The following RBM17 variants were observed in gnomAD, a reference collection of about 807,000 sequenced individuals.
The protein encoded by RBM17 is RNA binding motif protein 17.
In RBM17, 7 loss-of-function variants were observed where a neutral mutation model predicts 53.2. That is an observed-to-expected ratio of 0.13 (90% CI 0.07 to 0.25). The LOEUF (loss-of-function observed/expected upper bound fraction) is 0.25. Among genes scored for constraint, RBM17 ranks in the 10% least tolerant of loss-of-function variants. The pLI is 1.00. For synonymous variants in RBM17, 167 were observed against 178.1 expected, an observed-to-expected ratio of 0.94 and a Z score of 0.50; for missense variants, 257 against 496.7, an observed-to-expected ratio of 0.52 and a Z score of 4.59.
Position 6,110,106 on chromosome 10 carries a change from A to G in RBM17, c.683A>G (p.Asn228Ser), listed in dbSNP as rs1391765461. 1 of 1,608,780 alleles carries G rather than the reference A, an allele frequency of 6.2e-7. No homozygotes were observed. Among genetic ancestry groups the G allele is most frequent in the Non-Finnish European group, 8.5e-7 (1 of 1,177,590 alleles). The change falls in exon 7 of 12, where the codon AAC becomes AGC. Residue 228 changes from asparagine (N) to serine (S), a missense_variant. Physicochemically the swap from Asn to Ser is conservative, Grantham distance 46 (BLOSUM62 1). Around this residue, in one of 6 missense-constraint regions of RBM17, gnomAD observed 68 missense variants for 60.0 expected, o/e 1.13. Coordinates refer to ENST00000379888, the MANE Select transcript of RBM17 (RefSeq NM_032905.5). ...CCGAGATCTCCAACCGGACCTAGCAACTCCTTCCTCGCTAACATGGGGTAA... is the reference window on the plus strand; with the variant it reads ...CCGAGATCTCCAACCGGACCTAGCAGCTCCTTCCTCGCTAACATGGGGTAA... ...DRPRSPTGPS[N>S]SFLANMGGTV...
Position 6,105,062 on chromosome 10 carries a change from G to A in RBM17, c.372G>A (p.Glu124=). ...RQREERQRQR[E]LERQKEIEER... ...GAGAGGAACGACAGAGACAGCGGGA[G>A]CTGGAAAGACAAAAGGAAATAGAAG... The change falls in exon 4 of 12, where the codon GAG becomes GAA. Residue 124 remains glutamate, a synonymous_variant. Transcript: ENST00000379888. The A allele has an allele frequency of 1.2e-6, 2 of 1,614,032 alleles. No individual in the cohort carries two copies. The highest frequency in any genetic ancestry group is 1.7e-6 in the Non-Finnish European group (2 of 1,179,912).
rs369104232 is a variant in RBM17 at position 6,115,372 on chromosome 10, C to T, written c.1102+61C>T. The T allele has an allele frequency of 1.9e-5, 29 of 1,529,264 alleles. No individual in the cohort carries two copies. The African/African-American group carries it at 4.0e-4, about 21-fold the overall frequency. The allele number at this position is 1,529,264 out of a possible 1,614,324, so 94.7% of individuals were successfully genotyped here. A position where few individuals can be genotyped will look rare whatever the true frequency, so the allele number is the denominator to read the frequency against. ...GTTGAATTTACAGCCTTAATCTTTA[C>T]AAGTAAAGTTACTGTTTAATTAAAG... is the stretch of plus-strand genomic sequence containing the variant. On this transcript the variant is annotated intron_variant, in intron 11 of 11. Transcript: ENST00000379888.
intron 3 of RBM17, among the ~76,000 whole-genome samples, chr10:6,102,466 A>G (rs544486204): frequency 6.6e-6 from 1 of 152,218 alleles, no homozygotes; most frequent in South Asian, 2.1e-4. Context: ...GTTCTTCTGG[A>G]GGGGAAGCAC....
intron 7 of RBM17, among the ~76,000 whole-genome samples, chr10:6,111,255 G>T (rs1216318477): frequency 1.3e-5 from 2 of 152,252 alleles, no homozygotes; most frequent in African/African-American, 4.8e-5. Context: ...TCAGAGCGCA[G>T]TGTGAGAGCC....
chr10:6,108,776 A>G (rs770812498), intron 6 of RBM17, 34 bp downstream of exon 6: 4 of 1,552,532 alleles, frequency 2.6e-6, no homozygotes, highest in South Asian at 1.1e-5. Flanking sequence ...TTTTATTCTG[A>G]TACAGGTCTT....
chr10:6,108,659 T>C, intron 5 of RBM17, 27 bp from the exon 6 acceptor site: 7 of 1,603,614 alleles, frequency 4.4e-6, no homozygotes, highest in Admixed American at 1.7e-5. Flanking sequence ...GAAACCTCCT[T>C]TAATGCTTGG....
chr10:6,108,281 T>C (rs550976437), intron 5 of RBM17, among the ~76,000 whole-genome samples: 3 of 152,178 alleles, frequency 2.0e-5, no homozygotes, highest in African/African-American at 4.8e-5. Flanking sequence ...TGCAGTAATA[T>C]CTACTTCAGA....
At chr10:6,095,968 A>G (rs781286708) in intron 1 of RBM17, among the ~76,000 whole-genome samples, 1 of 152,186 alleles carries the variant, frequency 6.6e-6, no homozygotes, top group African/African-American at 2.4e-5. Context: ...AACACAAGCA[A>G]ATTAGGCTTT....
At chr10:6,108,442 G>A in intron 5 of RBM17, 1 of 489,894 alleles carries the variant, frequency 2.0e-6, no homozygotes, top group Non-Finnish European at 3.6e-6. Context: ...TACATTGTGG[G>A]GCTCTTGAGT....
At chr10:6,099,455 G>A (rs1840637330) in intron 2 of RBM17, among the ~76,000 whole-genome samples, 3 of 151,944 alleles carry the variant, frequency 2.0e-5, no homozygotes, top group African/African-American at 7.3e-5. Context: ...TGTCCACAGG[G>A]GATTGGTTCC....
At chr10:6,107,050 C>T (rs1840758620) in intron 5 of RBM17, among the ~76,000 whole-genome samples, 1 of 152,158 alleles carries the variant, frequency 6.6e-6, no homozygotes. Flanking sequence ...GGAAGTATTT[C>T]AAAGGAAATA....
At chr10:6,115,150 A>G in intron 10 of RBM17, 89 bp from the exon 11 acceptor site, 1 of 978,148 alleles carries the variant, frequency 1.0e-6, no homozygotes. Context: ...GATAATTAGA[A>G]TATCCACTCT....
rs1840630243 is a variant in RBM17, at chr10:6,099,120, T to G, written c.123+1932T>G. 1.3e-5 allele frequency among the ~76,000 whole-genome samples: 2 copies of G among 151,688 alleles called. 1 individual carries two copies. Among genetic ancestry groups the G allele is most frequent in the Non-Finnish European group, 2.9e-5 (2 of 67,952 alleles). ...TTTTTAAAAGTACATTTATAAAATC[T>G]TTGTAGATTTCATGTAACTTTTGCT... On this transcript the variant is annotated intron_variant, in intron 2 of 11. Transcript: ENST00000379888.
intron 1 of RBM17, among the ~76,000 whole-genome samples, chr10:6,094,940 G>A (rs1840549974): frequency 6.6e-6 from 1 of 152,048 alleles, no homozygotes. Context: ...ATAGAGCAGT[G>A]AACAGAACAA....
chr10:6,089,053 C>A lies in RBM17; in HGVS notation c.-159C>A, dbSNP rs1032925214. The A allele has an allele frequency of 2.4e-4, 36 of 150,692 alleles. No individual in the cohort carries two copies. Among genetic ancestry groups the A allele is most frequent in the Non-Finnish European group, 5.9e-5 (4 of 67,538 alleles). 9.3% of individuals were successfully genotyped at this position (150,692 alleles called of 1,614,324 possible). On this transcript the variant is annotated 5_prime_UTR_variant, in exon 1 of 12. Coordinates refer to ENST00000379888, the MANE Select transcript of RBM17 (RefSeq NM_032905.5). This position sits in a 1 kb window ranked among gnomAD's most constrained non-coding sequence, Gnocchi z 5.6. ...CCCGGCAGCCCGCGCTCCCTGACCC[C>A]GCGCCGCCGAGCGCCCTGAGGACTC...
chr10:6,089,056 G>C lies in RBM17; in HGVS notation c.-156G>C, dbSNP rs1192999374. The C allele has an allele frequency of 6.6e-6, 1 of 150,664 alleles. No homozygotes were observed. Among genetic ancestry groups the C allele is most frequent in the Non-Finnish European group, 1.5e-5 (1 of 67,518 alleles). 9.3% of individuals were successfully genotyped at this position (150,664 alleles called of 1,614,324 possible). On this transcript the variant is annotated 5_prime_UTR_variant, in exon 1 of 12. Transcript: ENST00000379888. This position sits in a 1 kb window ranked among gnomAD's most constrained non-coding sequence, Gnocchi z 5.6. Reference sequence around the variant, plus strand: ...GGCAGCCCGCGCTCCCTGACCCCGCGCCGCCGAGCGCCCTGAGGACTCAGC... The same window carrying C: ...GGCAGCCCGCGCTCCCTGACCCCGCCCCGCCGAGCGCCCTGAGGACTCAGC...
chr10:6,108,847 G>A (rs966436976), intron 6 of RBM17, 105 bp downstream of exon 6: 5 of 802,006 alleles, frequency 6.2e-6, no homozygotes, highest in Admixed American at 2.6e-5. Context: ...AGAGGGAAAC[G>A]GCCTGCAAGC....
Position 6,106,112 on chromosome 10 carries a change from A to G in RBM17, c.408-29A>G, listed in dbSNP as rs1173892931. The G allele has an allele frequency of 4.5e-6, 7 of 1,554,670 alleles. No homozygotes were observed. The African/African-American group carries it at 6.8e-5, about 15-fold the overall frequency. ...AGGTCTCTAAATTGGTTCATCTGTG[A>G]TGAACATTTATTTCCTTTGTTATCA... On this transcript the variant is annotated intron_variant, in intron 4 of 11. Transcript: ENST00000379888.
rs1564566202 is a variant in RBM17 at position 6,098,557 on chromosome 10, T to TTTTTTG, written c.123+1375_123+1380dup. On this transcript the variant is annotated intron_variant, in intron 2 of 11. Coordinates refer to ENST00000379888, the MANE Select transcript of RBM17 (RefSeq NM_032905.5). ...TTTGAAAATTTCCGTAATACACAGG[T>TTTTTTG]TTTTTGTTTTTTTTTTTTTTTTTTT... is the stretch of plus-strand genomic sequence containing the variant. Among the ~76,000 whole-genome samples, 304 of 34,142 alleles carry TTTTTTG rather than the reference T, an allele frequency of 8.9e-3. 1 individual carries two copies. Among genetic ancestry groups the TTTTTTG allele is most frequent in the African/African-American group, 0.027 (296 of 10,984 alleles). 22.4% of individuals were successfully genotyped at this position (34,142 alleles called of 152,430 possible).
Sources: allele counts gnomAD v4.1 joint callset (sites outside exome capture counted in the v4.1 genomes callset), GRCh38; gene constraint gnomAD v4.1.1; regional missense constraint gnomAD v4.1.1; non-coding constraint Gnocchi (gnomAD v3.1); transcripts MANE v1.5; gene names NCBI Gene and HGNC (gene_info 2026-07-23, HGNC 2026-07-21).